TTLL13: variants seen among roughly 807,000 people sequenced by gnomAD.
The protein encoded by TTLL13 is tubulin tyrosine ligase like 13.
At chr15:90,262,709 A>G in the TTLL13 span, 1 of 1,443,544 alleles carries the variant, frequency 6.9e-7, no homozygotes, top group Non-Finnish European at 9.1e-7. Context: ...CCACAGGAAA[A>G]TGGGTTGGGA....
chr15:90,258,961 C>T, the TTLL13 span: 1 of 1,613,860 alleles, frequency 6.2e-7, no homozygotes, highest in Non-Finnish European at 8.5e-7. Context: ...TTTAGTTCTT[C>T]ATTATTCCTG....
At chr15:90,262,222 C>G in the TTLL13 span, 2 of 1,494,214 alleles carry the variant, frequency 1.3e-6, no homozygotes, top group Non-Finnish European at 1.8e-6. Context: ...CTCTGCACAC[C>G]TAGGTGGGGA....
chr15:90,255,884 G>C, the TTLL13 span: 2 of 1,614,210 alleles, frequency 1.2e-6, no homozygotes, highest in South Asian at 1.1e-5. Context: ...CCTCCCCGCA[G>C]AGTGAGTGGG....
chr15:90,263,014 G>A, the TTLL13 span: 3 of 1,536,020 alleles, frequency 2.0e-6, no homozygotes, highest in African/African-American at 2.7e-5. Flanking sequence ...AATTGTGGAA[G>A]AGGAGGAGCT....
chr15:90,254,854 G>GTT, the TTLL13 span, among the ~76,000 whole-genome samples: 5 of 150,974 alleles, frequency 3.3e-5, no homozygotes, highest in South Asian at 1.0e-3. Flanking sequence ...TCAGGGAAGG[G>GTT]GGAAAAAAAA....
At chr15:90,252,507 C>G in the TTLL13 span, among the ~76,000 whole-genome samples, 1 of 152,160 alleles carries the variant, frequency 6.6e-6, no homozygotes, top group Non-Finnish European at 1.5e-5. Flanking sequence ...AGAGATGAGA[C>G]AAGCTTAAAA....
At chr15:90,263,836 G>A in the TTLL13 span, 10 of 751,964 alleles carry the variant, frequency 1.3e-5, no homozygotes, top group South Asian at 8.8e-5. Context: ...AGAGCAGGGC[G>A]CTCCTCATTT....
the TTLL13 span, chr15:90,265,302 C>T: frequency 9.1e-6 from 11 of 1,214,884 alleles, no homozygotes; most frequent in Non-Finnish European, 1.1e-5. Flanking sequence ...GACAATGAGC[C>T]CCTTTCCCAG....
the TTLL13 span, chr15:90,263,410 G>T: frequency 4.1e-6 from 2 of 488,554 alleles, no homozygotes; most frequent in African/African-American, 1.9e-5. Context: ...CTATATTCCT[G>T]TCCCAAAATA....
At chr15:90,257,713 G>T in the TTLL13 span, 2 of 1,614,054 alleles carry the variant, frequency 1.2e-6, no homozygotes, top group East Asian at 4.5e-5. Flanking sequence ...GGCGCTGTGG[G>T]CAGTAAGAGG....
the TTLL13 span, chr15:90,259,053 G>A: frequency 1.3e-6 from 2 of 1,521,258 alleles, no homozygotes; most frequent in Non-Finnish European, 1.8e-6. Context: ...TAGATAATAT[G>A]TTCATATTTG....
At chr15:90,259,042 A>C in the TTLL13 span, 2 of 1,563,286 alleles carry the variant, frequency 1.3e-6, no homozygotes, top group South Asian at 1.2e-5. Flanking sequence ...AACTTTTTGC[A>C]TAGATAATAT....
chr15:90,256,606 T>TTTCTTTTTCTTTCTTTCTTTCC, the TTLL13 span, among the ~76,000 whole-genome samples: 1 of 30,510 alleles, frequency 3.3e-5, no homozygotes, highest in Non-Finnish European at 6.2e-5. Flanking sequence ...TCTTTCTTTC[T>TTTCTTTTTCTTTCTTTCTTTCC]TTCCTTCCTT....
chr15:90,250,252 C>T, the TTLL13 span, among the ~76,000 whole-genome samples: 20 of 152,106 alleles, frequency 1.3e-4, no homozygotes, highest in African/African-American at 4.1e-4. Flanking sequence ...TATTTTAAAG[C>T]GAAGGTCCCC....
chr15:90,252,535 A>T, the TTLL13 span, among the ~76,000 whole-genome samples: 1 of 152,180 alleles, frequency 6.6e-6, no homozygotes, highest in African/African-American at 2.4e-5. Flanking sequence ...TTCAAGGAAG[A>T]TTTGAAGGGA....
At chr15:90,253,266 A>G in the TTLL13 span, 6 of 1,613,834 alleles carry the variant, frequency 3.7e-6, no homozygotes, top group Admixed American at 5.0e-5. Context: ...GGCAGCCCAA[A>G]TGTGTGGCCT....
chr15:90,254,495 A>G, the TTLL13 span, among the ~76,000 whole-genome samples: 1 of 146,500 alleles, frequency 6.8e-6, no homozygotes, highest in African/African-American at 2.5e-5. Context: ...TCCATCTAAA[A>G]AAAAAAAAAA....
At chr15:90,262,294 GAAT>G in the TTLL13 span, 2 of 1,279,328 alleles carry the variant, frequency 1.6e-6, no homozygotes, top group Admixed American at 5.7e-5. Flanking sequence ...CAGCAAAGAG[GAAT>G]GGAGCTATAA....
the TTLL13 span, among the ~76,000 whole-genome samples, chr15:90,259,835 T>G: frequency 6.6e-6 from 1 of 152,212 alleles, no homozygotes; most frequent in African/African-American, 2.4e-5. Context: ...GTAAAATGAG[T>G]TACAAACATG....
Sources: gnomAD v4.1 joint callset for allele counts (sites outside exome capture counted in the v4.1 genomes callset) on GRCh38, gnomAD v4.1.1 for gene constraint, MANE v1.5 for transcripts, NCBI Gene and HGNC (gene_info 2026-07-23, HGNC 2026-07-21) for gene names.